Variants in MACF1 observed in about 807,000 individuals in gnomAD.
MACF1 encodes microtubule actin crosslinking factor 1, also known as microtubule-actin cross-linking factor 1.
In MACF1, 193 loss-of-function variants were observed where a neutral mutation model predicts 854.8. That is an observed-to-expected ratio of 0.23 (90% CI 0.20 to 0.25). MACF1 has a LOEUF of 0.25. MACF1 is among the 10% of genes least tolerant of loss of function. The pLI is 1.00. For synonymous variants in MACF1, 3,185 were observed against 3,226.7 expected (o/e 0.99, Z 0.44); for missense variants, 7,722 against 8,929.1 (o/e 0.86, Z 5.45).
intron 6 of MACF1, among the ~76,000 whole-genome samples, chr1:39,258,652 G>T (rs1360842683): frequency 6.6e-6 from 1 of 152,112 alleles, no homozygotes; most frequent in Non-Finnish European, 1.5e-5. Context: ...TTATAAAAAG[G>T]CTGTTCTTTT....
At chr1:39,187,895 T>TCTGTCTTTCTCTCTCTCTCTCTC in intron 2 of MACF1, among the ~76,000 whole-genome samples, 1 of 68,468 alleles carries the variant, frequency 1.5e-5, no homozygotes, top group East Asian at 5.0e-4. Context: ...TCTCTCTCTC[T>TCTGTCTTTCTCTCTCTCTCTCTC]CTCTCTCCTC....
chr1:39,191,243 A>G (rs1327131181), intron 2 of MACF1, among the ~76,000 whole-genome samples: 3 of 141,904 alleles, frequency 2.1e-5, no homozygotes, highest in Non-Finnish European at 4.5e-5. Flanking sequence ...GTACAGGCCC[A>G]GTTGGGTCCT....
At position 39,479,847 on chromosome 1, in the gene MACF1, G is replaced by A. The variant is rs1644982027; in HGVS notation, c.22008G>A (p.Glu7336=). The A allele has an allele frequency of 6.2e-7, 1 of 1,614,242 alleles. No individual in the cohort carries two copies. Among genetic ancestry groups the A allele is most frequent in the Non-Finnish European group, 8.5e-7 (1 of 1,180,044 alleles). The change falls in exon 98 of 101, where the codon GAG becomes GAA. Residue 7336 remains glutamate (E), a synonymous_variant. Transcript: ENST00000564288. Reference sequence around the variant, plus strand: ...TTAGAGAGAAATTCATCCTACCAGAGGGAGCATCCCAGGGAATGACCCCCT... The same window carrying A: ...TTAGAGAGAAATTCATCCTACCAGAAGGAGCATCCCAGGGAATGACCCCCT... ...IELREKFILP[E]GASQGMTPFR...
In MACF1 at chr1:39,441,099, C is replaced by G. The variant is rs762203931; in HGVS notation, c.18544C>G (p.Pro6182Ala). ...LIFACGETEK[P>A]EVRKSIDEMN... ...TTTTGCCTGTGGAGAAACTGAGAAG[C>G]CTGAAGTGAGGAAGAGCATTGATGA... Residue 6182 changes from proline (P) to alanine (A), a missense_variant, in exon 73 of 101, where the codon CCT becomes GCT. Physicochemically the swap from Pro to Ala is conservative, Grantham distance 27. Coordinates refer to ENST00000564288, the MANE Select transcript of MACF1 (RefSeq NM_001394062.1). 6 of 1,613,976 alleles carry G rather than the reference C, an allele frequency of 3.7e-6. No individual in the cohort carries two copies. The Admixed American group carries it at 5.0e-5, about 13-fold the overall frequency.
At chr1:39,236,705 C>A (rs540879508) in intron 2 of MACF1, among the ~76,000 whole-genome samples, 1 of 151,930 alleles carries the variant, frequency 6.6e-6, no homozygotes, top group African/African-American at 2.4e-5. Context: ...CTTTGTTGCC[C>A]GGCTGGAGTG....
rs1376853135 is a variant in MACF1, at chr1:39,388,401, C to T, written c.15559C>T (p.Leu5187=). ...EASEAECRHM[L]EEEGTLDLLG... is the part of the protein sequence containing the mutation. ...CTCTGAAGCAGAGTGTCGACATATG[C>T]TAGAAGAAGAGGGGACTCTGGATTT... is the stretch of plus-strand genomic sequence containing the variant. The change falls in exon 58 of 101, where the codon CTA becomes TTA. Residue 5187 remains leucine (L), a synonymous_variant. Coordinates refer to ENST00000564288, the MANE Select transcript of MACF1 (RefSeq NM_001394062.1). 1 of 1,614,052 alleles carries T rather than the reference C, an allele frequency of 6.2e-7. No homozygotes were observed. Among genetic ancestry groups the T allele is most frequent in the Admixed American group, 1.7e-5 (1 of 59,982 alleles).
rs574162393 is a variant in MACF1 at position 39,441,506 on chromosome 1, C to T, written c.18672+181C>T. On this transcript the variant is annotated intron_variant, in intron 74 of 100. Transcript: ENST00000564288. ...TAGTGAAAAAAGTAGCGACATCTGT[C>T]TGAATTCTTACTCTTCCTGCCATGT... Among the ~76,000 whole-genome samples the T allele has an allele frequency of 5.7e-3, 875 of 152,322 alleles. 4 individuals carry two copies. Among genetic ancestry groups the T allele is most frequent in the Middle Eastern group, 0.014 (4 of 294 alleles).
At chr1:39,125,263 T>A (rs2148163486) in intron 2 of MACF1, among the ~76,000 whole-genome samples, 1 of 152,326 alleles carries the variant, frequency 6.6e-6, no homozygotes, top group South Asian at 2.1e-4. Flanking sequence ...TCAAAAGTAC[T>A]TGTTCAAGCA....
In MACF1 at chr1:39,325,001, C is replaced by T. The variant is rs57016290; in HGVS notation, c.4478+267C>T. On this transcript the variant is annotated intron_variant, in intron 35 of 100. Transcript: ENST00000564288. ...TGTGGTGAGAATAGAGGCTGAGAGG[C>T]CTGTTAAGAGGCTATTCTGATAATG... is the stretch of plus-strand genomic sequence containing the variant. Among the ~76,000 whole-genome samples, 10,264 of 152,086 alleles carry T rather than the reference C, an allele frequency of 0.067. 898 individuals carry two copies. Among genetic ancestry groups the T allele is most frequent in the African/African-American group, 0.21 (8,572 of 41,444 alleles).
chr1:39,364,157 C>T (rs1648466146), intron 49 of MACF1, among the ~76,000 whole-genome samples: 1 of 152,098 alleles, frequency 6.6e-6, no homozygotes, highest in Non-Finnish European at 1.5e-5. Flanking sequence ...ACCTGTTTCC[C>T]CTATAGCCTC....
chr1:39,327,411 C>T, intron 36 of MACF1, 58 bp downstream of exon 36: 2 of 1,505,480 alleles, frequency 1.3e-6, no homozygotes, highest in South Asian at 1.3e-5. Flanking sequence ...GGTATGAAGG[C>T]AGCTTTGCTG....
chr1:39,285,809 T>C, intron 14 of MACF1, 51 bp downstream of exon 14: 1 of 1,597,392 alleles, frequency 6.3e-7, no homozygotes, highest in African/African-American at 1.3e-5. Flanking sequence ...CTGCTGAGGC[T>C]CATGGATCAA....
chr1:39,095,684 C>T (rs1218461819), intron 2 of MACF1, among the ~76,000 whole-genome samples: 2 of 151,174 alleles, frequency 1.3e-5, no homozygotes, highest in Non-Finnish European at 2.9e-5. Flanking sequence ...AGTTCAAGAC[C>T]AGCCTGAGCA....
rs139531559 is a variant in MACF1, at chr1:39,301,981, CTATTTATT to C, written c.2635-923_2635-916del. Reference sequence around the variant, plus strand: ...TATGCTTGTCTGCTTACCACTGTACCTATTTATTTATTTATTTATTTATTTATGTTTTG... The same window carrying C: ...TATGCTTGTCTGCTTACCACTGTACCTATTTATTTATTTATTTATGTTTTG... On this transcript the variant is annotated intron_variant, in intron 22 of 100. Coordinates refer to ENST00000564288, the MANE Select transcript of MACF1 (RefSeq NM_001394062.1). Among the ~76,000 whole-genome samples the C allele has an allele frequency of 1.1e-3, 168 of 150,998 alleles. 1 individual carries two copies. Among genetic ancestry groups the C allele is most frequent in the Non-Finnish European group, 2.1e-3 (144 of 67,778 alleles).
chr1:39,250,280 T>C (rs184459892), intron 3 of MACF1, 177 bp downstream of exon 3: 14 of 423,260 alleles, frequency 3.3e-5, no homozygotes, highest in Admixed American at 1.7e-4. Context: ...TTACAAATTA[T>C]ATAATTTAAA....
At chr1:39,291,196 C>A (rs896676219) in intron 15 of MACF1, among the ~76,000 whole-genome samples, 3 of 147,514 alleles carry the variant, frequency 2.0e-5, no homozygotes, top group Non-Finnish European at 3.0e-5. Context: ...AGGCTGGTCT[C>A]GAACTCCTGA....
chr1:39,261,810 T>C (rs1645166498), intron 6 of MACF1, among the ~76,000 whole-genome samples: 1 of 152,220 alleles, frequency 6.6e-6, no homozygotes, highest in African/African-American at 2.4e-5. Flanking sequence ...TGTGTATACA[T>C]GTATATACCT....
chr1:39,222,487 C>T (rs912975531), intron 1 of MACF1, among the ~76,000 whole-genome samples: 3 of 152,174 alleles, frequency 2.0e-5, no homozygotes, highest in South Asian at 2.1e-4. Context: ...GAATCCTACT[C>T]GTTATCCAAG....
chr1:39,169,444 A>AT (rs930361092), intron 2 of MACF1, among the ~76,000 whole-genome samples: 7 of 150,996 alleles, frequency 4.6e-5, no homozygotes, highest in Admixed American at 6.6e-5. Context: ...AGAAAAAAAC[A>AT]TTTTTTTTTA....
Sources: allele counts gnomAD v4.1 joint callset (sites outside exome capture counted in the v4.1 genomes callset), GRCh38; gene constraint gnomAD v4.1.1; transcripts MANE v1.5; gene names NCBI Gene and HGNC (gene_info 2026-07-23, HGNC 2026-07-21).